Variants in SECTM1 observed in about 807,000 individuals in gnomAD.
SECTM1 encodes secreted and transmembrane 1.
SECTM1 carries 10 observed loss-of-function variants against 18.1 expected under a neutral mutation model. That is an observed-to-expected ratio of 0.55 (90% CI 0.34 to 0.94). The LOEUF (loss-of-function observed/expected upper bound fraction) is 0.94. Ranked by LOEUF, SECTM1 falls within the 40% of genes least tolerant of loss-of-function variation. SECTM1 has a pLI of 0.02. For synonymous variants in SECTM1, 137 were observed against 139.2 expected (o/e 0.98, Z 0.11); for missense variants, 297 against 322.6 (o/e 0.92, Z 0.61).
Position 82,322,335 on chromosome 17 carries a change from G to GA in SECTM1, c.572dup (p.Ala192ArgfsTer17), listed in dbSNP as rs764149537. 21 of 1,613,712 alleles carry GA rather than the reference G, an allele frequency of 1.3e-5. No homozygotes were observed. In the South Asian group the frequency reaches 2.1e-4, roughly 16 times the overall value. The stretch of plus-strand genomic sequence containing the variant: ...GCTGGGCTCCCGCTCTGAGGGCTGC[G>GA]ACCTTCATCTGGGGTTCTAGGAGGA... On this transcript the variant is annotated frameshift_variant, in exon 5 of 5. Transcript: ENST00000269389. LOFTEE classifies it low-confidence loss of function (END_TRUNC).
rs1394142210 is a variant in SECTM1, at chr17:82,324,740, G to A, written c.245C>T (p.Ala82Val). The change falls in exon 3 of 5, where the codon GCT (alanine) becomes GTT (valine). Residue 82 changes from alanine to valine, a missense_variant. Coordinates refer to ENST00000269389, the MANE Select transcript of SECTM1 (RefSeq NM_003004.3). ...GQESAIFNEVAPGYFSRDGWQ... is the reference protein window; with the variant it reads ...GQESAIFNEVVPGYFSRDGWQ... ...GCCGTCCCGGGAGAAGTAGCCTGGA[G>A]CCACCTCATTGAAGATGGCGCTCTC... 3.7e-6 allele frequency: 6 copies of A among 1,614,168 alleles called. No individual in the cohort carries two copies. Among genetic ancestry groups the A allele is most frequent in the African/African-American group, 1.3e-5 (1 of 75,028 alleles).
At chr17:82,323,602 T>G (rs2052117655) in intron 3 of SECTM1, among the ~76,000 whole-genome samples, 2 of 144,022 alleles carry the variant, frequency 1.4e-5, no homozygotes, top group South Asian at 2.2e-4. Flanking sequence ...CCCCGCACGG[T>G]GGGGTGGCCG....
In SECTM1 at chr17:82,322,979, A is replaced by G. The variant is rs752321459; in HGVS notation, c.436T>C (p.Phe146Leu). ...AEPQSAPDTGFWPVPAVVTAV... is the reference protein window; with the variant it reads ...AEPQSAPDTGLWPVPAVVTAV... ...GTGACCACCGCTGGCACAGGCCAGAACCCAGTGTCGGGGGCGGACTGGGGT... is the reference window on the plus strand; with the variant it reads ...GTGACCACCGCTGGCACAGGCCAGAGCCCAGTGTCGGGGGCGGACTGGGGT... The change falls in exon 4 of 5, where the codon TTC becomes CTC. Residue 146 changes from phenylalanine to leucine, a missense_variant. Transcript: ENST00000269389. 1.2e-5 allele frequency: 20 copies of G among 1,613,568 alleles called. No homozygotes were observed. Among genetic ancestry groups the G allele is most frequent in the Non-Finnish European group, 1.7e-5 (20 of 1,179,898 alleles).
intron 3 of SECTM1, among the ~76,000 whole-genome samples, chr17:82,323,599 C>T (rs1158237032): frequency 6.7e-6 from 1 of 149,398 alleles, no homozygotes; most frequent in Admixed American, 6.6e-5. Context: ...TGGCCCCGCA[C>T]GGTGGGGTGG....
In SECTM1 at chr17:82,326,593, T is replaced by C. The variant is rs994033327; in HGVS notation, c.94+554A>G. Among the ~76,000 whole-genome samples the C allele has an allele frequency of 2.7e-5, 4 of 150,198 alleles. No homozygotes were observed. Among genetic ancestry groups the C allele is most frequent in the African/African-American group, 4.9e-5 (2 of 40,544 alleles). On this transcript the variant is annotated intron_variant, in intron 2 of 4. Transcript: ENST00000269389. The surrounding 1 kb of genome is among the most constrained non-coding windows in gnomAD (Gnocchi z 4.3). ...CAGCCTGGGCGTCCAGCCTGGGCGA[T>C]AGAGGTAGAACCCGTCTCAAAAAAA... is the stretch of plus-strand genomic sequence containing the variant.
intron 2 of SECTM1, 67 bp downstream of exon 2, chr17:82,327,080 C>T (rs2052152683): frequency 3.1e-6 from 4 of 1,279,322 alleles, no homozygotes; most frequent in Non-Finnish European, 4.4e-6. Context: ...GTCCACCCCT[C>T]CTGCCCCTGT....
intron 1 of SECTM1, among the ~76,000 whole-genome samples, chr17:82,333,317 G>A (rs1043720434): frequency 2.6e-5 from 4 of 152,188 alleles, no homozygotes; most frequent in Non-Finnish European, 4.4e-5. Flanking sequence ...GGGAGCCCCG[G>A]GTCCGAGACG....
At chr17:82,322,506 G>A (rs1295331600) in intron 4 of SECTM1, 136 bp from the exon 5 acceptor site, 8 of 872,718 alleles carry the variant, frequency 9.2e-6, no homozygotes, top group East Asian at 2.7e-5. Context: ...CCCAGCCCTC[G>A]CCTGGGTTCT....
At chr17:82,323,144 G>A (rs929151473) in intron 3 of SECTM1, 133 bp from the exon 4 acceptor site, 33 of 1,112,392 alleles carry the variant, frequency 3.0e-5, no homozygotes, top group Admixed American at 2.3e-4. Context: ...CGGCACCGCC[G>A]TTGCCCAGGA....
rs1401125811 is a variant in SECTM1 at position 82,326,000 on chromosome 17, G to C, written c.95-1110C>G. ...GCACCTGGCCTTCGGGCTGGACTGA[G>C]TTTCCTCTGACGAGCAGGCTGGCTG... is the stretch of plus-strand genomic sequence containing the variant. On this transcript the variant is annotated intron_variant, in intron 2 of 4. Coordinates refer to ENST00000269389, the MANE Select transcript of SECTM1 (RefSeq NM_003004.3). This position sits in a 1 kb window ranked among gnomAD's most constrained non-coding sequence, Gnocchi z 7.6. 6.6e-6 allele frequency among the ~76,000 whole-genome samples: 1 copy of C among 152,248 alleles called. No individual in the cohort carries two copies. The highest frequency in any genetic ancestry group is 1.9e-4 in the East Asian group (1 of 5,190).
Position 82,324,912 on chromosome 17 carries a change from C to T in SECTM1, c.95-22G>A, listed in dbSNP as rs762640767. 24 of 1,596,556 alleles carry T rather than the reference C, an allele frequency of 1.5e-5. No individual in the cohort carries two copies. In the South Asian group the frequency reaches 2.3e-4, roughly 16 times the overall value. On this transcript the variant is annotated intron_variant, in intron 2 of 4. Coordinates refer to ENST00000269389, the MANE Select transcript of SECTM1 (RefSeq NM_003004.3). ...CAGCCTGTAGGGCCAGACAGAGGCA[C>T]ACACGGATCAGGGCTGGACCTCAGG...
Position 82,322,940 on chromosome 17 carries a change from G to A in SECTM1, c.475C>T (p.Leu159Phe), listed in dbSNP as rs775555334. The change falls in exon 4 of 5, where the codon CTC (leucine) becomes TTC (phenylalanine). Residue 159 changes from leucine (L) to phenylalanine (F), a missense_variant. Physicochemically the swap from Leu to Phe is conservative, Grantham distance 22 (BLOSUM62 0). Transcript: ENST00000269389. Reference sequence around the variant, plus strand: ...GCGAACATGACCAGAGCGACCAAGAGGATGAAGACAGCAGTGACCACCGCT... The same window carrying A: ...GCGAACATGACCAGAGCGACCAAGAAGATGAAGACAGCAGTGACCACCGCT... ...VPAVVTAVFI[L>F]LVALVMFAWY... 4.3e-6 allele frequency: 7 copies of A among 1,613,818 alleles called. No homozygotes were observed. The highest frequency in any genetic ancestry group is 3.3e-5 in the South Asian group (3 of 91,088).
chr17:82,321,189 C>G lies in SECTM1; in HGVS notation c.*972G>C, dbSNP rs984880460. On this transcript the variant is annotated 3_prime_UTR_variant, in exon 5 of 5. Coordinates refer to ENST00000269389, the MANE Select transcript of SECTM1 (RefSeq NM_003004.3). Reference sequence around the variant, plus strand: ...TCTCCACCTGGCTGGGGGCTCCCCCCCGTCTTCATCTCGAGGACGCCTTAG... The same window carrying G: ...TCTCCACCTGGCTGGGGGCTCCCCCGCGTCTTCATCTCGAGGACGCCTTAG... 2 of 152,232 alleles carry G rather than the reference C, an allele frequency of 1.3e-5. No individual in the cohort carries two copies. Among genetic ancestry groups the G allele is most frequent in the African/African-American group, 2.4e-5 (1 of 41,456 alleles). The allele number at this position is 152,232 out of a possible 1,614,324, so 9.4% of individuals were successfully genotyped here.
intron 1 of SECTM1, among the ~76,000 whole-genome samples, 187 bp downstream of exon 1, chr17:82,333,511 CCA>C (rs1042988325): frequency 2.2e-5 from 3 of 137,750 alleles, no homozygotes; most frequent in Non-Finnish European, 4.9e-5. Context: ...CGCCGCAGCC[CCA>C]GAGTCCCCAT....
chr17:82,324,676 C>A lies in SECTM1; in HGVS notation c.309G>T (p.Val103=), dbSNP rs761265720. The change falls in exon 3 of 5, where the codon GTG becomes GTT. Residue 103 remains valine (V), a synonymous_variant. Coordinates refer to ENST00000269389, the MANE Select transcript of SECTM1 (RefSeq NM_003004.3). ...CATGGGAGTCCCGGGCGCCTTTGAT[C>A]ACCAGCTGTGCCACGCCTCCCTGAA... ...LQVQGGVAQL[V]IKGARDSHAG... is the part of the protein sequence containing the mutation. 6.2e-7 allele frequency: 1 copy of A among 1,614,026 alleles called. No homozygotes were observed. Among genetic ancestry groups the A allele is most frequent in the Admixed American group, 1.7e-5 (1 of 60,010 alleles).
chr17:82,332,424 T>C (rs1424776154), intron 1 of SECTM1, among the ~76,000 whole-genome samples: 1 of 152,108 alleles, frequency 6.6e-6, no homozygotes, highest in Non-Finnish European at 1.5e-5. Flanking sequence ...GTGCTGGGTG[T>C]GTGGAAGCTC....
At chr17:82,327,342 G>T in intron 1 of SECTM1, 50 bp from the exon 2 acceptor site, 4 of 1,087,284 alleles carry the variant, frequency 3.7e-6, no homozygotes, top group Non-Finnish European at 4.0e-6. Flanking sequence ...CTGCTGAAGG[G>T]GACAGCGGGA....
At chr17:82,322,465 G>T (rs1599651942) in intron 4 of SECTM1, 95 bp from the exon 5 acceptor site, 2 of 1,187,310 alleles carry the variant, frequency 1.7e-6, no homozygotes, top group South Asian at 1.3e-5. Flanking sequence ...GGGCATACGT[G>T]CTCATGCACA....
chr17:82,327,065 C>T, intron 2 of SECTM1, 82 bp downstream of exon 2: 1 of 1,115,560 alleles, frequency 9.0e-7, no homozygotes, highest in Admixed American at 2.1e-5. Flanking sequence ...CTGGACCCAA[C>T]CTCAGTCCAC....
Sources: allele counts gnomAD v4.1 joint callset (sites outside exome capture counted in the v4.1 genomes callset), GRCh38; gene constraint gnomAD v4.1.1; non-coding constraint Gnocchi (gnomAD v3.1); transcripts MANE v1.5; gene names NCBI Gene and HGNC (gene_info 2026-07-23, HGNC 2026-07-21).